ROBO2: variants seen among roughly 807,000 people sequenced by gnomAD.
ROBO2 encodes the protein roundabout guidance receptor 2.
A neutral mutation model predicts 160.8 loss-of-function variants in ROBO2; 53 were observed. That is an observed-to-expected ratio of 0.33 (90% CI 0.26 to 0.41). The LOEUF is 0.41. Ranked by LOEUF, ROBO2 falls within the 10% of genes least tolerant of loss-of-function variation. The pLI is 1.00. For missense variants in ROBO2, 1,577 were observed against 1,722.4 expected, an observed-to-expected ratio of 0.92 and a Z score of 1.49; for synonymous variants, 664 against 611.7, an observed-to-expected ratio of 1.09 and a Z score of -1.26.
chr3:76,509,536 G>A (rs1342208410), intron 2 of ROBO2, among the ~76,000 whole-genome samples: 3 of 152,150 alleles, frequency 2.0e-5, no homozygotes, highest in African/African-American at 7.2e-5. Flanking sequence ...TTCAATGGCA[G>A]ATGGTAGCAT....
chr3:77,478,718 A>C (rs1466542395), intron 3 of ROBO2, among the ~76,000 whole-genome samples: 1 of 152,244 alleles, frequency 6.6e-6, no homozygotes, highest in Non-Finnish European at 1.5e-5. Context: ...TAAAAAAACT[A>C]TAAAGTATTG....
rs181158632 is a variant in ROBO2 at position 76,464,713 on chromosome 3, T to C, written c.109+527111T>C. 2.4e-3 allele frequency among the ~76,000 whole-genome samples: 371 copies of C among 152,204 alleles called. 2 individuals are homozygous for C. Among genetic ancestry groups the C allele is most frequent in the Non-Finnish European group, 4.4e-3 (297 of 67,996 alleles). On this transcript the variant is annotated intron_variant, in intron 2 of 26. Coordinates refer to the ROBO2 transcript ENST00000487694. The stretch of plus-strand genomic sequence containing the variant: ...ATTTCTCCCTGGAAATGAGGGAAAA[T>C]TTAGTTTTCAAGAATTTTAGTTTCA...
At chr3:76,029,319 T>A (rs1452981935) in intron 2 of ROBO2, among the ~76,000 whole-genome samples, 2 of 152,058 alleles carry the variant, frequency 1.3e-5, no homozygotes, top group African/African-American at 4.8e-5. Flanking sequence ...ATTATATTAA[T>A]GTCTCCTAAA....
At chr3:76,179,427 TAAGTC>T (rs1270758195) in intron 2 of ROBO2, among the ~76,000 whole-genome samples, 5 of 152,218 alleles carry the variant, frequency 3.3e-5, no homozygotes, top group African/African-American at 1.2e-4. Context: ...CTGAATTACT[TAAGTC>T]AGGAAGCTAA....
intron 2 of ROBO2, among the ~76,000 whole-genome samples, chr3:77,423,777 C>A (rs1306792852): frequency 6.6e-6 from 1 of 152,104 alleles, no homozygotes; most frequent in Non-Finnish European, 1.5e-5. Context: ...TTCATAAACC[C>A]CTAACTCCAC....
chr3:76,834,079 TTTC>T (rs1344305709), intron 2 of ROBO2, among the ~76,000 whole-genome samples: 12 of 141,028 alleles, frequency 8.5e-5, no homozygotes, highest in African/African-American at 2.4e-4. Flanking sequence ...TCTTTCTTTC[TTTC>T]TTTCTTTCTT....
intron 2 of ROBO2, among the ~76,000 whole-genome samples, chr3:76,657,469 G>A (rs2091590706): frequency 6.6e-6 from 1 of 150,822 alleles, no homozygotes. Context: ...AAATTGGCCA[G>A]CTGCGGTGGC....
intron 2 of ROBO2, among the ~76,000 whole-genome samples, chr3:77,470,352 A>G (rs578111496): frequency 2.0e-5 from 3 of 152,338 alleles, no homozygotes; most frequent in South Asian, 4.1e-4. Flanking sequence ...TCTTACAGTA[A>G]TTCAAGGAAG....
chr3:76,523,104 C>T lies in ROBO2; in HGVS notation c.110-574910C>T, dbSNP rs572731654. ...AAGTGGAAAATTTTGGTCCTTTTTCCTCTAAAGAGGGCCAGCTCCAAATAC... is the reference window on the plus strand; with the variant it reads ...AAGTGGAAAATTTTGGTCCTTTTTCTTCTAAAGAGGGCCAGCTCCAAATAC... On this transcript the variant is annotated intron_variant, in intron 2 of 26. Coordinates refer to the ROBO2 transcript ENST00000487694. Among the ~76,000 whole-genome samples, 347 of 150,904 alleles carry T rather than the reference C, an allele frequency of 2.3e-3. 2 individuals carry two copies. Among genetic ancestry groups the T allele is most frequent in the African/African-American group, 6.4e-3 (263 of 41,288 alleles).
At chr3:77,372,188 G>A (rs900347170) in intron 2 of ROBO2, among the ~76,000 whole-genome samples, 4 of 151,968 alleles carry the variant, frequency 2.6e-5, no homozygotes, top group Non-Finnish European at 5.9e-5. Context: ...GAGAGTAAAG[G>A]CAGGGGAAAG....
chr3:76,698,386 T>A (rs2092977058), intron 2 of ROBO2, among the ~76,000 whole-genome samples: 1 of 152,150 alleles, frequency 6.6e-6, no homozygotes, highest in Non-Finnish European at 1.5e-5. Flanking sequence ...GTGGTGTGTT[T>A]GGTAAATGTT....
intron 2 of ROBO2, among the ~76,000 whole-genome samples, chr3:77,116,922 C>T (rs139378732): frequency 9.8e-5 from 15 of 152,318 alleles, no homozygotes; most frequent in African/African-American, 3.4e-4. Flanking sequence ...TGTAGTCCAT[C>T]ATCTGAGGAC....
At chr3:76,638,149 A>T (rs1010692385) in intron 2 of ROBO2, among the ~76,000 whole-genome samples, 6 of 152,148 alleles carry the variant, frequency 3.9e-5, no homozygotes, top group Admixed American at 3.3e-4. Context: ...TGCCTAAATA[A>T]CCATCTGATG....
At chr3:76,364,845 A>G (rs1183271318) in intron 2 of ROBO2, among the ~76,000 whole-genome samples, 4 of 152,092 alleles carry the variant, frequency 2.6e-5, no homozygotes, top group Non-Finnish European at 5.9e-5. Context: ...ATAGTATGTT[A>G]GAAATTCTAC....
At chr3:77,006,706 G>A (rs1451157736) in intron 2 of ROBO2, among the ~76,000 whole-genome samples, 1 of 151,852 alleles carries the variant, frequency 6.6e-6, no homozygotes, top group Non-Finnish European at 1.5e-5. Context: ...GATTTTGGAG[G>A]TCTAAATCCA....
intron 2 of ROBO2, among the ~76,000 whole-genome samples, chr3:76,277,781 T>A (rs1405122490): frequency 6.6e-6 from 1 of 151,954 alleles, no homozygotes. Flanking sequence ...ATGGTTTTTA[T>A]TCTCATATAT....
intron 2 of ROBO2, among the ~76,000 whole-genome samples, chr3:76,934,998 G>A (rs1233780308): frequency 1.4e-5 from 2 of 145,914 alleles, no homozygotes; most frequent in Admixed American, 1.4e-4. Context: ...TCTTGCCCAG[G>A]CTGGAGTTCA....
At chr3:77,366,636 T>C (rs936358742) in intron 2 of ROBO2, among the ~76,000 whole-genome samples, 2 of 152,152 alleles carry the variant, frequency 1.3e-5, no homozygotes, top group South Asian at 2.1e-4. Flanking sequence ...ATTTGGCTCA[T>C]AGTTCTGAAG....
At chr3:76,435,169 A>G in intron 2 of ROBO2, 1 of 1,036,466 alleles carries the variant, frequency 9.6e-7, no homozygotes, top group South Asian at 1.3e-5. Context: ...GGCATTGTGG[A>G]GATAATCAAC....
Sources: gnomAD v4.1 joint callset for allele counts (sites outside exome capture counted in the v4.1 genomes callset) on GRCh38, gnomAD v4.1.1 for gene constraint, MANE v1.5 for transcripts, NCBI Gene and HGNC (gene_info 2026-07-23, HGNC 2026-07-21) for gene names.